The following NAALADL2 variants were observed in gnomAD, a reference collection of about 807,000 sequenced individuals.
NAALADL2 encodes the protein N-acetylated alpha-linked acidic dipeptidase like 2, also known as inactive N-acetylated-alpha-linked acidic dipeptidase-like protein 2.
In NAALADL2, 76 loss-of-function variants were observed where a neutral mutation model predicts 87.2. The observed-to-expected ratio is 0.87, with a 90% confidence interval of 0.72 to 1.05. NAALADL2 has a LOEUF of 1.05. Ranked by LOEUF, NAALADL2 falls within the 50% of genes least tolerant of loss-of-function variation. NAALADL2 has a pLI of 0.00. For synonymous variants in NAALADL2, 354 were observed against 331.0 expected (o/e 1.07, Z -0.75); for missense variants, 1,089 against 945.8 (o/e 1.15, Z -1.99).
intron 1 of NAALADL2, among the ~76,000 whole-genome samples, chr3:175,045,419 A>T (rs556146877): frequency 1.3e-5 from 2 of 152,088 alleles, no homozygotes; most frequent in African/African-American, 4.8e-5. Context: ...TCTTTTCTCA[A>T]AATATGGGGA....
rs1553790325 is a variant in NAALADL2 at position 175,148,128 on chromosome 3, T to TAATAA, written c.545+50838_545+50842dup. On this transcript the variant is annotated intron_variant, in intron 2 of 13. Transcript: ENST00000454872. ...AATAATAATAATAATAATAATAAAA[T>TAATAA]AATAATAATAGCCATTCTGACTGGT... 6.8e-3 allele frequency among the ~76,000 whole-genome samples: 894 copies of TAATAA among 131,538 alleles called. 5 individuals are homozygous for TAATAA. The highest frequency in any genetic ancestry group is 0.031 in the East Asian group (134 of 4,286). The allele number at this position is 131,538 out of a possible 152,430, so 86.3% of individuals were successfully genotyped here. A position where few individuals can be genotyped will look rare whatever the true frequency, so the allele number is the denominator to read the frequency against.
chr3:175,688,152 A>C (rs2149905114), intron 11 of NAALADL2, among the ~76,000 whole-genome samples: 1 of 152,300 alleles, frequency 6.6e-6, no homozygotes, highest in Non-Finnish European at 1.5e-5. Flanking sequence ...AGCTCTGAGA[A>C]GCAGAATGAA....
chr3:174,724,187 C>A (rs1731974292), intron 2 of NAALADL2, among the ~76,000 whole-genome samples: 1 of 152,058 alleles, frequency 6.6e-6, no homozygotes, highest in Non-Finnish European at 1.5e-5. Flanking sequence ...AAAAATCATG[C>A]CATGTAGAGT....
chr3:175,076,105 G>A (rs1001672465), intron 1 of NAALADL2, among the ~76,000 whole-genome samples: 1 of 152,082 alleles, frequency 6.6e-6, no homozygotes, highest in Non-Finnish European at 1.5e-5. Context: ...CTGCAAGCCT[G>A]TAATCCCAGC....
At chr3:174,682,166 C>T (rs1333910667) in intron 2 of NAALADL2, among the ~76,000 whole-genome samples, 1 of 152,150 alleles carries the variant, frequency 6.6e-6, no homozygotes, top group Non-Finnish European at 1.5e-5. Flanking sequence ...AAAGTGGATA[C>T]CAGCTCAGTC....
chr3:174,799,507 C>A lies in NAALADL2; in HGVS notation c.-9+61761C>A, dbSNP rs546990232. Among the ~76,000 whole-genome samples, 5 of 152,298 alleles carry A rather than the reference C, an allele frequency of 3.3e-5. No homozygotes were observed. The East Asian group carries it at 7.7e-4, about 24-fold the overall frequency. ...CTGCTGCCATCCATGTAAGATGTGACTTGCTCCTCCTTGCCTTCCACCATG... is the reference window on the plus strand; with the variant it reads ...CTGCTGCCATCCATGTAAGATGTGAATTGCTCCTCCTTGCCTTCCACCATG... On this transcript the variant is annotated intron_variant, in intron 3 of 3. Transcript: ENST00000434257.
intron 5 of NAALADL2, among the ~76,000 whole-genome samples, chr3:175,342,223 T>A (rs1403559485): frequency 6.6e-6 from 1 of 152,036 alleles, no homozygotes; most frequent in Non-Finnish European, 1.5e-5. Flanking sequence ...CAGAAAAAAA[T>A]ATATATGAAG....
chr3:174,652,971 T>C (rs946058492), intron 2 of NAALADL2, among the ~76,000 whole-genome samples: 1 of 152,122 alleles, frequency 6.6e-6, no homozygotes, highest in Admixed American at 6.6e-5. Context: ...TCATTCTCAT[T>C]AGTTATCAAG....
intron 1 of NAALADL2, among the ~76,000 whole-genome samples, chr3:174,443,012 G>A (rs188747284): frequency 2.6e-5 from 4 of 152,270 alleles, no homozygotes. Flanking sequence ...ATGGAGGATA[G>A]AGGAGAAGTA....
intron 3 of NAALADL2, among the ~76,000 whole-genome samples, chr3:174,817,254 G>T (rs1720908785): frequency 6.6e-6 from 1 of 152,090 alleles, no homozygotes; most frequent in South Asian, 2.1e-4. Flanking sequence ...AGGGTACTTG[G>T]CAAAATATCC....
intron 1 of NAALADL2, among the ~76,000 whole-genome samples, chr3:175,060,777 G>A (rs917521428): frequency 6.6e-6 from 1 of 152,174 alleles, no homozygotes; most frequent in African/African-American, 2.4e-5. Flanking sequence ...TCTGAGTGCC[G>A]TGGCTCATGC....
intron 1 of NAALADL2, among the ~76,000 whole-genome samples, chr3:174,534,074 T>C (rs1721493303): frequency 6.6e-6 from 1 of 152,190 alleles, no homozygotes; most frequent in South Asian, 2.1e-4. Context: ...TTGCACATTA[T>C]GTGTATATAA....
intron 5 of NAALADL2, among the ~76,000 whole-genome samples, chr3:175,336,541 T>C (rs1424988569): frequency 2.6e-5 from 4 of 152,068 alleles, no homozygotes; most frequent in Non-Finnish European, 5.9e-5. Context: ...ATACAGAAAG[T>C]AGGAAAGGGC....
At chr3:174,583,672 C>G (rs529198053) in intron 2 of NAALADL2, among the ~76,000 whole-genome samples, 1 of 152,174 alleles carries the variant, frequency 6.6e-6, no homozygotes, top group Admixed American at 6.5e-5. Context: ...AATGCTATTA[C>G]GTTGTTTCTT....
intron 1 of NAALADL2, among the ~76,000 whole-genome samples, chr3:174,866,472 T>C (rs1379233958): frequency 1.3e-5 from 2 of 151,890 alleles, no homozygotes; most frequent in Admixed American, 1.3e-4. Context: ...ACAAGATCTA[T>C]GTATTTACAT....
chr3:175,586,712 T>G (rs1351661168), intron 10 of NAALADL2, among the ~76,000 whole-genome samples: 1 of 152,214 alleles, frequency 6.6e-6, no homozygotes, highest in Non-Finnish European at 1.5e-5. Flanking sequence ...TTTTTATTCA[T>G]GATGATTCTT....
chr3:175,705,064 G>C (rs1255451963), intron 11 of NAALADL2, among the ~76,000 whole-genome samples: 1 of 152,140 alleles, frequency 6.6e-6, no homozygotes, highest in African/African-American at 2.4e-5. Flanking sequence ...AACATTTTCA[G>C]AGACATTTGC....
intron 2 of NAALADL2, among the ~76,000 whole-genome samples, chr3:174,586,843 T>A (rs1716777890): frequency 6.6e-6 from 1 of 152,112 alleles, no homozygotes; most frequent in African/African-American, 2.4e-5. Context: ...ATTTTTTTTT[T>A]ATTATTATAC....
At chr3:175,146,864 G>C (rs114532639) in intron 2 of NAALADL2, among the ~76,000 whole-genome samples, 1 of 151,558 alleles carries the variant, frequency 6.6e-6, no homozygotes, top group African/African-American at 2.4e-5. Flanking sequence ...ATTTACTAAC[G>C]TCATTCAGGT....
Sources: gnomAD v4.1 joint callset for allele counts (sites outside exome capture counted in the v4.1 genomes callset) on GRCh38, gnomAD v4.1.1 for gene constraint, MANE v1.5 for transcripts, NCBI Gene and HGNC (gene_info 2026-07-23, HGNC 2026-07-21) for gene names.